SUPT3H: variants seen among roughly 807,000 people sequenced by gnomAD.
SUPT3H encodes SPT3 homolog, SAGA and STAGA complex component, also known as transcription initiation protein SPT3 homolog.
A neutral mutation model predicts 44.3 loss-of-function variants in SUPT3H; 44 were observed. The observed-to-expected ratio is 0.99, with a 90% CI of 0.78 to 1.28. SUPT3H has a LOEUF of 1.28. SUPT3H is among the 50% of genes most tolerant of loss of function. The pLI, the probability that SUPT3H is intolerant of heterozygous loss-of-function variation, is 0.00. For missense variants in SUPT3H, 380 were observed against 387.1 expected (o/e 0.98, Z 0.15); for synonymous variants, 124 against 125.6 (o/e 0.99, Z 0.09).
intron 3 of SUPT3H, among the ~76,000 whole-genome samples, chr6:45,093,360 T>C (rs1797387083): frequency 1.3e-5 from 2 of 152,276 alleles, no homozygotes; most frequent in African/African-American, 4.8e-5. Context: ...AGCAAACTCT[T>C]TAGAAGACGG....
intron 2 of SUPT3H, among the ~76,000 whole-genome samples, chr6:45,224,377 G>A (rs1766558187): frequency 6.6e-6 from 1 of 152,102 alleles, no homozygotes; most frequent in Non-Finnish European, 1.5e-5. Context: ...TCACTGTGTG[G>A]TTCTGTCACC....
chr6:45,308,243 G>A (rs1390724718), intron 2 of SUPT3H, among the ~76,000 whole-genome samples: 1 of 152,046 alleles, frequency 6.6e-6, no homozygotes, highest in African/African-American at 2.4e-5. Flanking sequence ...AGGAAATACA[G>A]AGAACGCCAC....
downstream of SUPT3H, among the ~76,000 whole-genome samples, chr6:44,822,505 T>C (rs540587158): frequency 2.6e-5 from 4 of 152,146 alleles, no homozygotes; most frequent in South Asian, 4.1e-4. Context: ...TTTTTCAAGA[T>C]TGTATAGATT....
chr6:45,295,267 C>T (rs1004369333), intron 2 of SUPT3H, among the ~76,000 whole-genome samples: 1 of 151,760 alleles, frequency 6.6e-6, no homozygotes, highest in Non-Finnish European at 1.5e-5. Context: ...ACAAATGGTG[C>T]TGGGATACTA....
chr6:45,059,814 G>C (rs1240538829), intron 3 of SUPT3H, among the ~76,000 whole-genome samples: 1 of 151,904 alleles, frequency 6.6e-6, no homozygotes, highest in Non-Finnish European at 1.5e-5. Flanking sequence ...GGCAAGCAGA[G>C]AGCCAAATCA....
At position 44,828,185 on chromosome 6, in the gene SUPT3H, A is replaced by C. The variant is rs1767980583; in HGVS notation, c.*1631T>G. On this transcript the variant is annotated 3_prime_UTR_variant, in exon 11 of 11. Coordinates refer to ENST00000371459, the MANE Select transcript of SUPT3H (RefSeq NM_003599.4). ...AATACAATAAATGCTATCGTTTAAA[A>C]GTTAAGTTAAGTTAGGATGTTTACT... 3.8e-5 allele frequency among the ~76,000 whole-genome samples: 2 copies of C among 52,274 alleles called. No individual in the cohort carries two copies. The highest frequency in any genetic ancestry group is 1.2e-4 in the African/African-American group (2 of 17,300). The allele number at this position is 52,274 out of a possible 152,430, so 34.3% of individuals were successfully genotyped here.
intron 2 of SUPT3H, among the ~76,000 whole-genome samples, chr6:45,174,450 T>C (rs980740284): frequency 6.6e-6 from 1 of 152,188 alleles, no homozygotes; most frequent in Non-Finnish European, 1.5e-5. Context: ...TTCTTTCAAA[T>C]CTATAATCTA....
intron 10 of SUPT3H, among the ~76,000 whole-genome samples, chr6:44,903,202 G>C (rs1053765999): frequency 4.6e-5 from 7 of 152,126 alleles, no homozygotes; most frequent in Admixed American, 2.6e-4. Flanking sequence ...GAAGGAGATA[G>C]AGACACAAAA....
intron 3 of SUPT3H, among the ~76,000 whole-genome samples, chr6:45,073,559 G>A (rs1274557703): frequency 2.6e-5 from 4 of 151,908 alleles, no homozygotes; most frequent in Non-Finnish European, 5.9e-5. Flanking sequence ...CCTTTGATGG[G>A]ATGCATCCCA....
At chr6:45,087,539 A>G (rs1796624706) in intron 3 of SUPT3H, among the ~76,000 whole-genome samples, 1 of 151,910 alleles carries the variant, frequency 6.6e-6, no homozygotes, top group Non-Finnish European at 1.5e-5. Flanking sequence ...CACAAGTTTT[A>G]AAAAGATTAT....
intron 10 of SUPT3H, among the ~76,000 whole-genome samples, chr6:44,911,118 CTAACATTATTATCCA>C (rs1766974633): frequency 6.7e-6 from 1 of 148,812 alleles, no homozygotes; most frequent in African/African-American, 2.5e-5. Flanking sequence ...TAAGCTTTTG[CTAACATTATTATCCA>C]TATCAAGTAA....
At chr6:45,103,805 G>T (rs1334831139) in intron 3 of SUPT3H, among the ~76,000 whole-genome samples, 1 of 152,032 alleles carries the variant, frequency 6.6e-6, no homozygotes, top group African/African-American at 2.4e-5. Context: ...ACTACCCAAA[G>T]CCAAAGATAA....
rs1342835921 is a variant in SUPT3H, at chr6:45,031,144, T to C, written c.187-10512A>G. Among the ~76,000 whole-genome samples, 5 of 152,300 alleles carry C rather than the reference T, an allele frequency of 3.3e-5. No homozygotes were observed. The East Asian group carries it at 7.7e-4, about 23-fold the overall frequency. On this transcript the variant is annotated intron_variant, in intron 3 of 10. Transcript: ENST00000371459. ...CATATAGCTAGCCTGACGTAAATGT[T>C]ATTGACATTTATTTAGAAAAGATAA... is the stretch of plus-strand genomic sequence containing the variant.
intron 11 of SUPT3H, among the ~76,000 whole-genome samples, chr6:44,820,832 G>T (rs1449653289): frequency 2.0e-5 from 3 of 152,166 alleles, no homozygotes; most frequent in African/African-American, 4.8e-5. Context: ...AGGGTGGTCA[G>T]AGAAGGTCTT....
intron 2 of SUPT3H, among the ~76,000 whole-genome samples, chr6:45,341,243 T>G (rs2150133872): frequency 6.6e-6 from 1 of 152,318 alleles, no homozygotes; most frequent in African/African-American, 2.4e-5. Flanking sequence ...GCTATGAGAT[T>G]ATATTTTTCA....
At position 45,158,663 on chromosome 6, in the gene SUPT3H, C is replaced by T. The variant is rs562554734; in HGVS notation, c.102-52657G>A. On this transcript the variant is annotated intron_variant, in intron 2 of 10. Transcript: ENST00000371459. ...CCCAGCCACTTCCTTGTATGGTTAT[C>T]GCTAGCTGTCAGAGTATAGGAATGG... Among the ~76,000 whole-genome samples the T allele has an allele frequency of 1.4e-4, 22 of 152,120 alleles. 1 individual carries two copies. Among genetic ancestry groups the T allele is most frequent in the Admixed American group, 5.9e-4 (9 of 15,234 alleles).
intron 6 of SUPT3H, among the ~76,000 whole-genome samples, chr6:44,975,681 C>A (rs1432047159): frequency 1.3e-5 from 2 of 151,972 alleles, no homozygotes; most frequent in Non-Finnish European, 2.9e-5. Context: ...CACTAAAGAA[C>A]TTATACACGT....
intron 10 of SUPT3H, among the ~76,000 whole-genome samples, chr6:44,908,342 G>A (rs1339908029): frequency 2.1e-4 from 32 of 151,574 alleles, no homozygotes; most frequent in Non-Finnish European, 1.5e-5. Flanking sequence ...TAGTAGAGAC[G>A]GGGTTTTACC....
At chr6:44,950,466 T>C (rs1395736531) in intron 9 of SUPT3H, among the ~76,000 whole-genome samples, 1 of 152,148 alleles carries the variant, frequency 6.6e-6, no homozygotes, top group South Asian at 2.1e-4. Context: ...TTTTAAAAAA[T>C]AGCCGAGCAT....
Sources: gnomAD v4.1 joint callset for allele counts (sites outside exome capture counted in the v4.1 genomes callset) on GRCh38, gnomAD v4.1.1 for gene constraint, MANE v1.5 for transcripts, NCBI Gene and HGNC (gene_info 2026-07-23, HGNC 2026-07-21) for gene names.